Variants in TECPR2 observed in about 807,000 individuals in gnomAD.
TECPR2 encodes the protein tectonin beta-propeller repeat-containing protein 2.
In TECPR2, 65 loss-of-function variants were observed where a neutral mutation model predicts 138.1. The observed-to-expected ratio is 0.47, with a 90% confidence interval of 0.39 to 0.58. The LOEUF (loss-of-function observed/expected upper bound fraction) is 0.58. TECPR2 is among the 20% of genes least tolerant of loss of function. TECPR2 has a pLI of 0.00. For synonymous variants in TECPR2, 746 were observed against 749.8 expected (o/e 0.99, Z 0.08); for missense variants, 1,553 against 1,824.5 (o/e 0.85, Z 2.71).
intron 2 of TECPR2, among the ~76,000 whole-genome samples, chr14:102,385,950 T>A (rs1333612928): frequency 2.0e-5 from 3 of 151,322 alleles, no homozygotes; most frequent in Admixed American, 6.6e-5. Context: ...AAAAAAAAAA[T>A]TTAGCTAGTT....
rs1567367364 is a variant in TECPR2, at chr14:102,498,998, CCG to C, written c.*743_*744del. On this transcript the variant is annotated 3_prime_UTR_variant, in exon 20 of 20. Coordinates refer to ENST00000359520, the MANE Select transcript of TECPR2 (RefSeq NM_014844.5). ...ACACCACACCCCACACCGCACTGCA[CCG>C]CACCGCACCGCACCGTACCTCGCCA... is the stretch of plus-strand genomic sequence containing the variant. The C allele has an allele frequency of 5.8e-6, 4 of 695,208 alleles. No homozygotes were observed. Among genetic ancestry groups the C allele is most frequent in the Non-Finnish European group, 1.0e-5 (4 of 381,506 alleles). The allele number at this position is 695,208 out of a possible 1,614,324, so 43.1% of individuals were successfully genotyped here.
chr14:102,425,979 A>G (rs1199341522), intron 6 of TECPR2, among the ~76,000 whole-genome samples: 4 of 135,448 alleles, frequency 3.0e-5, no homozygotes, highest in African/African-American at 2.8e-5. Flanking sequence ...CCACCTCCCG[A>G]GTTCAAGCGA....
rs1166749547 is a variant in TECPR2 at position 102,443,229 on chromosome 14, A to G, written c.2753-418A>G. ...TTGGCTTTTGTGTTCTTCTCTTAGAACTTCTTAAGCTACATTGGGACACCA... is the reference window on the plus strand; with the variant it reads ...TTGGCTTTTGTGTTCTTCTCTTAGAGCTTCTTAAGCTACATTGGGACACCA... On this transcript the variant is annotated intron_variant, in intron 11 of 19. Transcript: ENST00000359520. The surrounding 1 kb of genome is among the most constrained non-coding windows in gnomAD (Gnocchi z 4.9). 6.6e-6 allele frequency among the ~76,000 whole-genome samples: 1 copy of G among 152,190 alleles called. No individual in the cohort carries two copies. Among genetic ancestry groups the G allele is most frequent in the Non-Finnish European group, 1.5e-5 (1 of 68,040 alleles).
chr14:102,392,063 A>T (rs1888190713), intron 2 of TECPR2, among the ~76,000 whole-genome samples: 1 of 152,098 alleles, frequency 6.6e-6, no homozygotes, highest in South Asian at 2.1e-4. Flanking sequence ...ATCTTGGCTC[A>T]CCGCAACCTC....
chr14:102,417,778 G>A (rs1200562362), intron 5 of TECPR2, among the ~76,000 whole-genome samples: 2 of 150,526 alleles, frequency 1.3e-5, no homozygotes, highest in African/African-American at 4.9e-5. Flanking sequence ...GTCCAGGGGA[G>A]CTGCGAGGAG....
chr14:102,466,402 C>T (rs1391646975), intron 17 of TECPR2, among the ~76,000 whole-genome samples: 1 of 152,204 alleles, frequency 6.6e-6, no homozygotes, highest in Non-Finnish European at 1.5e-5. Context: ...AATTATAACA[C>T]ATGCTCTGTT....
At chr14:102,452,107 G>A (rs1349238382) in intron 15 of TECPR2, among the ~76,000 whole-genome samples, 1 of 152,214 alleles carries the variant, frequency 6.6e-6, no homozygotes, top group Non-Finnish European at 1.5e-5. Context: ...GGAGGTCAAA[G>A]CCACTAAGCC....
intron 1 of TECPR2, among the ~76,000 whole-genome samples, chr14:102,365,153 G>C (rs548306089): frequency 6.6e-6 from 1 of 152,202 alleles, no homozygotes; most frequent in African/African-American, 2.4e-5. Context: ...CAACAAACGT[G>C]TATTGAGCAT....
intron 1 of TECPR2, among the ~76,000 whole-genome samples, chr14:102,370,324 G>T (rs2139649355): frequency 6.6e-6 from 1 of 152,238 alleles, no homozygotes; most frequent in South Asian, 2.1e-4. Context: ...ACCCACCTCA[G>T]GCTCCCAAAG....
At chr14:102,366,158 A>G (rs1887341479) in intron 1 of TECPR2, among the ~76,000 whole-genome samples, 1 of 152,140 alleles carries the variant, frequency 6.6e-6, no homozygotes, top group South Asian at 2.1e-4. Context: ...TTGAGAAATC[A>G]TCCATCTGGG....
chr14:102,388,381 T>A (rs537559601), intron 2 of TECPR2, among the ~76,000 whole-genome samples: 42 of 152,370 alleles, frequency 2.8e-4, no homozygotes, highest in African/African-American at 1.0e-3. Flanking sequence ...CCAATAGGTT[T>A]TTTTTTAGTG....
At chr14:102,404,010 A>G (rs900100714) in intron 2 of TECPR2, among the ~76,000 whole-genome samples, 2 of 150,158 alleles carry the variant, frequency 1.3e-5, no homozygotes, top group Admixed American at 6.7e-5. Flanking sequence ...TGATCCTCCC[A>G]CCTCAGACTC....
intron 17 of TECPR2, among the ~76,000 whole-genome samples, chr14:102,494,958 A>ATC (rs1891243064): frequency 6.6e-6 from 1 of 152,146 alleles, no homozygotes; most frequent in Non-Finnish European, 1.5e-5. Flanking sequence ...CACGCCTGTA[A>ATC]TCTCAGCACT....
At chr14:102,375,217 A>G (rs1172986283) in intron 1 of TECPR2, among the ~76,000 whole-genome samples, 2 of 152,084 alleles carry the variant, frequency 1.3e-5, no homozygotes, top group East Asian at 1.9e-4. Context: ...ATGGTGGCAT[A>G]TTCCTGTAGT....
chr14:102,392,682 C>T (rs1231695592), intron 2 of TECPR2, among the ~76,000 whole-genome samples: 2 of 152,112 alleles, frequency 1.3e-5, no homozygotes, highest in Non-Finnish European at 2.9e-5. Flanking sequence ...GCTTCCCTAT[C>T]GTAATTTCTA....
At position 102,434,436 on chromosome 14, in the gene TECPR2, A is replaced by G. The variant is rs1244396941; in HGVS notation, c.1619A>G (p.Glu540Gly). 6.5e-7 allele frequency: 1 copy of G among 1,535,340 alleles called. No individual in the cohort carries two copies. Among genetic ancestry groups the G allele is most frequent in the African/African-American group, 1.4e-5 (1 of 72,288 alleles). Residue 540 changes from glutamate to glycine, a missense_variant, in exon 9 of 20, where the codon GAA becomes GGA. Glu to Gly is a moderately conservative substitution (Grantham distance 98, BLOSUM62 -2). Transcript: ENST00000359520. ...GGTGAAGTGAACGGTGTCCCACAGG[A>G]AAATACTGACCCCGAAACGTTTAAT... ...FNGEVNGVPQ[E>G]NTDPETFNVL...
At chr14:102,413,051 G>A (rs1420402154) in intron 4 of TECPR2, among the ~76,000 whole-genome samples, 1 of 152,024 alleles carries the variant, frequency 6.6e-6, no homozygotes, top group Non-Finnish European at 1.5e-5. Flanking sequence ...AGCTGAGATT[G>A]CACCACTACA....
At chr14:102,410,512 C>A (rs956947977) in intron 4 of TECPR2, among the ~76,000 whole-genome samples, 1 of 149,438 alleles carries the variant, frequency 6.7e-6, no homozygotes, top group African/African-American at 2.5e-5. Context: ...AATAAAAACA[C>A]ACCTCACCAA....
intron 2 of TECPR2, among the ~76,000 whole-genome samples, chr14:102,404,315 T>C (rs557469928): frequency 5.3e-5 from 8 of 152,062 alleles, no homozygotes; most frequent in Non-Finnish European, 1.2e-4. Context: ...TTTTAGAATA[T>C]AAAAATTTAT....
Sources: gnomAD v4.1 joint callset for allele counts (sites outside exome capture counted in the v4.1 genomes callset) on GRCh38, gnomAD v4.1.1 for gene constraint, Gnocchi (gnomAD v3.1) non-coding constraint, MANE v1.5 for transcripts, NCBI Gene and HGNC (gene_info 2026-07-23, HGNC 2026-07-21) for gene names.